DNAH14: variants seen among roughly 807,000 people sequenced by gnomAD.
DNAH14 encodes the protein axonemal beta dynein heavy chain 14.
Under a neutral mutation model 520.9 loss-of-function variants are expected in DNAH14, and 478 were observed. That is an observed-to-expected ratio of 0.92 (90% CI 0.85 to 0.99). The LOEUF is 0.99. Among genes scored for constraint, DNAH14 ranks in the 50% least tolerant of loss-of-function variants. The probability of loss-of-function intolerance (pLI) is 0.00; values close to 1 mark genes in which losing one functional copy is unlikely to be tolerated. For missense variants in DNAH14, 4,831 were observed against 5,234.5 expected (o/e 0.92, Z 2.38); for synonymous variants, 1,581 against 1,757.2 (o/e 0.90, Z 2.51).
chr1:224,962,624 T>C (rs1020778049), intron 4 of DNAH14, among the ~76,000 whole-genome samples: 2 of 152,132 alleles, frequency 1.3e-5, no homozygotes, highest in African/African-American at 4.8e-5. Context: ...AGCTGACACT[T>C]TGATTTCTGC....
At chr1:225,369,701 T>G (rs987548837) in intron 77 of DNAH14, among the ~76,000 whole-genome samples, 6 of 152,068 alleles carry the variant, frequency 3.9e-5, no homozygotes, top group Admixed American at 3.9e-4. Flanking sequence ...AAGTACATAT[T>G]TTTTCAGGTA....
intron 55 of DNAH14, among the ~76,000 whole-genome samples, chr1:225,290,740 CAATT>C (rs1042933228): frequency 7.3e-6 from 1 of 137,012 alleles, no homozygotes; most frequent in Non-Finnish European, 1.5e-5. Flanking sequence ...AAATTAAATT[CAATT>C]AAATGTTTTA....
chr1:225,336,071 ATACT>A (rs776129162), intron 66 of DNAH14, among the ~76,000 whole-genome samples: 243 of 137,996 alleles, frequency 1.8e-3, no homozygotes, highest in Non-Finnish European at 2.7e-3. Context: ...GTATACATAC[ATACT>A]TATATATACA....
At chr1:225,186,444 T>C (rs1033280465) in intron 37 of DNAH14, among the ~76,000 whole-genome samples, 1 of 151,896 alleles carries the variant, frequency 6.6e-6, no homozygotes, top group African/African-American at 2.4e-5. Flanking sequence ...CAAAACACTT[T>C]TGCTTGAATT....
intron 17 of DNAH14, among the ~76,000 whole-genome samples, chr1:225,065,771 G>A (rs528759948): frequency 1.3e-5 from 2 of 152,140 alleles, no homozygotes; most frequent in South Asian, 4.2e-4. Context: ...TTCATCTGTT[G>A]ATAGACACAT....
At chr1:224,941,878 T>C (rs2059443010) in intron 1 of DNAH14, among the ~76,000 whole-genome samples, 1 of 152,218 alleles carries the variant, frequency 6.6e-6, no homozygotes, top group Non-Finnish European at 1.5e-5. Context: ...ATCTCTGTTT[T>C]GGTACCAGTA....
intron 1 of DNAH14, among the ~76,000 whole-genome samples, chr1:224,944,354 C>G (rs1471876039): frequency 6.6e-6 from 1 of 152,092 alleles, no homozygotes. Flanking sequence ...GTAGATCTTC[C>G]TCCATCCCTT....
At chr1:225,303,122 C>T in intron 56 of DNAH14, 34 bp from the exon 57 acceptor site, 1 of 1,360,156 alleles carries the variant, frequency 7.4e-7, no homozygotes, top group Non-Finnish European at 9.8e-7. Context: ...CAGTGGATTA[C>T]ATTTTAACAA....
intron 36 of DNAH14, among the ~76,000 whole-genome samples, chr1:225,177,588 T>A (rs961209456): frequency 6.6e-6 from 1 of 152,042 alleles, no homozygotes; most frequent in Non-Finnish European, 1.5e-5. Context: ...GTCTCTGTGC[T>A]GTATGCAGCC....
rs546766349 is a variant in DNAH14 at position 225,132,309 on chromosome 1, C to T, written c.4255-8459C>T. 2.8e-4 allele frequency among the ~76,000 whole-genome samples: 42 copies of T among 152,116 alleles called. 1 individual carries two copies. The South Asian group carries it at 3.9e-3, about 14-fold the overall frequency. On this transcript the variant is annotated intron_variant, in intron 27 of 85. Coordinates refer to ENST00000682510, the MANE Select transcript of DNAH14 (RefSeq NM_001367479.1). ...TTTGCTGCACAGATCATCCCGTCACCTAGGTATTAAGCCCAGCACCCATTA... is the reference window on the plus strand; with the variant it reads ...TTTGCTGCACAGATCATCCCGTCACTTAGGTATTAAGCCCAGCACCCATTA...
chr1:225,392,509 T>G, intron 84 of DNAH14, 58 bp downstream of exon 84: 1 of 1,537,844 alleles, frequency 6.5e-7, no homozygotes, highest in Non-Finnish European at 8.8e-7. Flanking sequence ...ATTTATTCAT[T>G]CAATCAATTG....
At chr1:225,127,745 G>A (rs1410978356) in intron 27 of DNAH14, among the ~76,000 whole-genome samples, 1 of 152,084 alleles carries the variant, frequency 6.6e-6, no homozygotes, top group Non-Finnish European at 1.5e-5. Flanking sequence ...CTTTGATCCT[G>A]TCATTATGAT....
intron 43 of DNAH14, among the ~76,000 whole-genome samples, chr1:225,244,844 C>T (rs1302725399): frequency 6.6e-6 from 1 of 151,902 alleles, no homozygotes; most frequent in African/African-American, 2.4e-5. Context: ...ATGTCTCTAT[C>T]TCCTTCAGTT....
chr1:225,277,752 A>G (rs2093522237), intron 54 of DNAH14, among the ~76,000 whole-genome samples: 1 of 152,210 alleles, frequency 6.6e-6, no homozygotes, highest in East Asian at 1.9e-4. Context: ...TCGCAGCATT[A>G]ATACAGTAGC....
chr1:225,218,361 C>A (rs2089652945), intron 41 of DNAH14, among the ~76,000 whole-genome samples: 1 of 152,044 alleles, frequency 6.6e-6, no homozygotes, highest in Admixed American at 6.5e-5. Flanking sequence ...CACAGACTGG[C>A]TCATTGGATA....
chr1:224,953,773 A>G (rs1021384036), intron 2 of DNAH14, among the ~76,000 whole-genome samples: 1 of 152,188 alleles, frequency 6.6e-6, no homozygotes, highest in Non-Finnish European at 1.5e-5. Flanking sequence ...TGTCTCTTAC[A>G]CTATACCAAA....
chr1:225,365,728 G>C (rs994288052), intron 76 of DNAH14, among the ~76,000 whole-genome samples: 1 of 151,848 alleles, frequency 6.6e-6, no homozygotes, highest in East Asian at 1.9e-4. Context: ...GAGAGCAGCA[G>C]ACCATGCTCT....
At chr1:225,040,811 T>C (rs758006031) in intron 12 of DNAH14, among the ~76,000 whole-genome samples, 3 of 152,224 alleles carry the variant, frequency 2.0e-5, no homozygotes, top group Non-Finnish European at 4.4e-5. Context: ...CTAAAATGCT[T>C]GTACCAATTT....
At chr1:224,972,923 A>C (rs1052851719) in intron 7 of DNAH14, among the ~76,000 whole-genome samples, 1 of 152,182 alleles carries the variant, frequency 6.6e-6, no homozygotes, top group Non-Finnish European at 1.5e-5. Context: ...GTTTTACCTC[A>C]TGAAACTTTT....
Sources: allele counts gnomAD v4.1 joint callset (sites outside exome capture counted in the v4.1 genomes callset), GRCh38; gene constraint gnomAD v4.1.1; transcripts MANE v1.5; gene names NCBI Gene and HGNC (gene_info 2026-07-23, HGNC 2026-07-21).